PARD3B: variants seen among roughly 807,000 people sequenced by gnomAD.
PARD3B encodes partitioning defective 3 homolog B.
In PARD3B, 103 loss-of-function variants were observed where a neutral mutation model predicts 130.2. The observed-to-expected ratio is 0.79, with a 90% CI of 0.67 to 0.93. PARD3B has a LOEUF of 0.93. Among genes scored for constraint, PARD3B ranks in the 40% least tolerant of loss-of-function variants. The pLI is 0.00. For missense variants in PARD3B, 1,609 were observed against 1,499.2 expected (o/e 1.07, Z -1.21); for synonymous variants, 583 against 553.2 (o/e 1.05, Z -0.76).
chr2:204,939,303 A>C (rs966114296), intron 2 of PARD3B, among the ~76,000 whole-genome samples: 2 of 152,196 alleles, frequency 1.3e-5, no homozygotes, highest in Non-Finnish European at 2.9e-5. Context: ...AATACCTCAC[A>C]TAAAAGATAT....
At chr2:205,372,946 T>C (rs2044882050) in intron 18 of PARD3B, among the ~76,000 whole-genome samples, 1 of 152,202 alleles carries the variant, frequency 6.6e-6, no homozygotes, top group Non-Finnish European at 1.5e-5. Flanking sequence ...ACCACTGCAC[T>C]CCAGCCTGGG....
At chr2:205,035,811 ATATATATATC>A (rs1697790913) in intron 3 of PARD3B, among the ~76,000 whole-genome samples, 2 of 15,884 alleles carry the variant, frequency 1.3e-4, no homozygotes, top group African/African-American at 2.7e-4. Context: ...ATATATATAT[ATATATATATC>A]TATATATCTA....
At chr2:204,864,865 T>C (rs2045347426) in intron 2 of PARD3B, among the ~76,000 whole-genome samples, 1 of 152,138 alleles carries the variant, frequency 6.6e-6, no homozygotes, top group Non-Finnish European at 1.5e-5. Context: ...ATAACACTCT[T>C]CTGATGTGAC....
At chr2:204,762,296 T>C (rs1406209382) in intron 2 of PARD3B, among the ~76,000 whole-genome samples, 2 of 151,716 alleles carry the variant, frequency 1.3e-5, no homozygotes, top group African/African-American at 4.8e-5. Context: ...TAATTTTTTG[T>C]AGAGATGGGG....
At chr2:205,360,524 T>C (rs1043686400) in intron 18 of PARD3B, among the ~76,000 whole-genome samples, 1 of 152,230 alleles carries the variant, frequency 6.6e-6, no homozygotes, top group Non-Finnish European at 1.5e-5. Flanking sequence ...CACATCCCAC[T>C]CTGGTTTATT....
intron 22 of PARD3B, among the ~76,000 whole-genome samples, chr2:205,573,650 C>G (rs1371957075): frequency 6.6e-6 from 1 of 152,152 alleles, no homozygotes; most frequent in Non-Finnish European, 1.5e-5. Flanking sequence ...GATGCAGGTG[C>G]CTCCAAACTG....
chr2:205,376,355 C>T (rs2045052279), intron 18 of PARD3B, among the ~76,000 whole-genome samples: 1 of 143,738 alleles, frequency 7.0e-6, no homozygotes, highest in African/African-American at 2.5e-5. Flanking sequence ...GTCGACATCC[C>T]TTCTAAGATT....
At chr2:205,507,444 G>A (rs1388521994) in intron 21 of PARD3B, among the ~76,000 whole-genome samples, 1 of 151,836 alleles carries the variant, frequency 6.6e-6, no homozygotes, top group Admixed American at 6.6e-5. Context: ...TCGATCTCCT[G>A]ACCTCGTGAT....
Position 205,473,694 on chromosome 2 carries a change from A to ATATATATG in PARD3B, c.3045-26195_3045-26194insGTATATAT, listed in dbSNP as rs1553520413. Among the ~76,000 whole-genome samples the ATATATATG allele has an allele frequency of 5.0e-5, 7 of 138,726 alleles. No individual in the cohort carries two copies. Among genetic ancestry groups the ATATATATG allele is most frequent in the African/African-American group, 1.5e-4 (5 of 34,342 alleles). The allele number at this position is 138,726 out of a possible 152,430, so 91.0% of individuals were successfully genotyped here. A position where few individuals can be genotyped will look rare whatever the true frequency, so the allele number is the denominator to read the frequency against. The stretch of plus-strand genomic sequence containing the variant: ...TGTGTGTGTGTGTATGTATATATAT[A>ATATATATG]TATATATATATATATACACACACAC... On this transcript the variant is annotated intron_variant, in intron 20 of 22. Transcript: ENST00000406610. This position sits in a 1 kb window ranked among gnomAD's most constrained non-coding sequence, Gnocchi z 4.9.
intron 4 of PARD3B, among the ~76,000 whole-genome samples, chr2:205,069,729 G>A (rs1434359119): frequency 6.6e-6 from 1 of 152,062 alleles, no homozygotes; most frequent in East Asian, 1.9e-4. Context: ...AGTAGAAGAA[G>A]CCGCACTTGA....
At chr2:204,873,299 C>T (rs2125651880) in intron 2 of PARD3B, among the ~76,000 whole-genome samples, 1 of 152,218 alleles carries the variant, frequency 6.6e-6, no homozygotes, top group South Asian at 2.1e-4. Flanking sequence ...CCATTCAGTC[C>T]TCACAACAGT....
At chr2:205,096,493 C>T (rs1376812984) in intron 4 of PARD3B, among the ~76,000 whole-genome samples, 1 of 152,158 alleles carries the variant, frequency 6.6e-6, no homozygotes, top group Non-Finnish European at 1.5e-5. Flanking sequence ...TATTGATTAT[C>T]AATGGGATTT....
intron 18 of PARD3B, among the ~76,000 whole-genome samples, chr2:205,329,181 A>G (rs554689131): frequency 1.1e-4 from 17 of 152,326 alleles, no homozygotes; most frequent in African/African-American, 3.6e-4. Flanking sequence ...AACTTAAAAT[A>G]TAGTAACTTG....
At chr2:204,708,953 C>T (rs2125294661) in intron 2 of PARD3B, among the ~76,000 whole-genome samples, 1 of 152,042 alleles carries the variant, frequency 6.6e-6, no homozygotes, top group East Asian at 1.9e-4. Flanking sequence ...TTTTGGGAGC[C>T]AAGAACAAAT....
At chr2:205,279,092 A>C (rs1435492327) in intron 16 of PARD3B, among the ~76,000 whole-genome samples, 2 of 151,036 alleles carry the variant, frequency 1.3e-5, no homozygotes, top group Non-Finnish European at 3.0e-5. Context: ...AAAAAAAAAA[A>C]AAAACAGTTG....
intron 3 of PARD3B, among the ~76,000 whole-genome samples, chr2:205,025,147 T>C (rs1696919223): frequency 6.6e-6 from 1 of 152,174 alleles, no homozygotes; most frequent in African/African-American, 2.4e-5. Context: ...ATTCAGGTAT[T>C]AATGCCGATT....
At chr2:204,686,496 G>T (rs2037093626) in intron 2 of PARD3B, among the ~76,000 whole-genome samples, 2 of 152,186 alleles carry the variant, frequency 1.3e-5, no homozygotes, top group South Asian at 4.1e-4. Flanking sequence ...GGCCTAATTA[G>T]CAGACACTTC....
intron 2 of PARD3B, among the ~76,000 whole-genome samples, chr2:204,750,391 C>T (rs1416309221): frequency 6.6e-6 from 1 of 152,132 alleles, no homozygotes; most frequent in African/African-American, 2.4e-5. Flanking sequence ...CAAGACCAGC[C>T]TGGGCAACAC....
intron 4 of PARD3B, among the ~76,000 whole-genome samples, chr2:205,068,770 T>C (rs1477059939): frequency 6.6e-6 from 1 of 152,188 alleles, no homozygotes; most frequent in Non-Finnish European, 1.5e-5. Context: ...TTGATTTCTG[T>C]TGACTTCCCC....
Sources: allele counts gnomAD v4.1 joint callset (sites outside exome capture counted in the v4.1 genomes callset), GRCh38; gene constraint gnomAD v4.1.1; non-coding constraint Gnocchi (gnomAD v3.1); transcripts MANE v1.5; gene names NCBI Gene and HGNC (gene_info 2026-07-23, HGNC 2026-07-21).